The following EPS15 variants were observed in gnomAD, a reference collection of about 807,000 sequenced individuals.
EPS15 encodes the protein epidermal growth factor receptor substrate 15.
In EPS15, 72 loss-of-function variants were observed where a neutral mutation model predicts 113.8. That is an observed-to-expected ratio of 0.63 (90% CI 0.52 to 0.77). The LOEUF (loss-of-function observed/expected upper bound fraction) is 0.77, where lower values mean the gene tolerates loss of function less well. Among genes scored for constraint, EPS15 ranks in the 30% least tolerant of loss-of-function variants. The pLI is 0.00. For synonymous variants in EPS15, 344 were observed against 363.4 expected (o/e 0.95, Z 0.61); for missense variants, 1,048 against 1,045.8 (o/e 1.00, Z -0.03).
intron 1 of EPS15, among the ~76,000 whole-genome samples, chr1:51,512,319 C>T (rs964939682): frequency 6.6e-6 from 1 of 151,992 alleles, no homozygotes; most frequent in African/African-American, 2.4e-5. Flanking sequence ...AGTAATTTGC[C>T]CAAGATCACA....
intron 13 of EPS15, among the ~76,000 whole-genome samples, chr1:51,418,987 T>A (rs1261567785): frequency 6.6e-6 from 1 of 152,144 alleles, no homozygotes; most frequent in Non-Finnish European, 1.5e-5. Flanking sequence ...ATTTCTAAAA[T>A]ATCTGTTGAC....
intron 8 of EPS15, among the ~76,000 whole-genome samples, chr1:51,454,681 G>C (rs140501964): frequency 6.6e-6 from 1 of 152,276 alleles, no homozygotes; most frequent in Non-Finnish European, 1.5e-5. Context: ...TCATATACCA[G>C]AGAGACTGAA....
chr1:51,505,225 T>C (rs1000634020), intron 1 of EPS15, among the ~76,000 whole-genome samples: 1 of 152,154 alleles, frequency 6.6e-6, no homozygotes, highest in Non-Finnish European at 1.5e-5. Context: ...CAAAACCTTG[T>C]ATATGAATGC....
At chr1:51,451,583 G>A (rs1557482982) in intron 8 of EPS15, among the ~76,000 whole-genome samples, 1 of 151,422 alleles carries the variant, frequency 6.6e-6, no homozygotes, top group Non-Finnish European at 1.5e-5. Context: ...CATAGAATAG[G>A]GATAAATGGA....
At chr1:51,373,546 C>A (rs1233254711) in intron 21 of EPS15, among the ~76,000 whole-genome samples, 4 of 152,172 alleles carry the variant, frequency 2.6e-5, no homozygotes, top group Non-Finnish European at 5.9e-5. Flanking sequence ...TATTTCTGGT[C>A]TCATGGGGGC....
chr1:51,415,581 G>C lies in EPS15; in HGVS notation c.1114-5885C>G, dbSNP rs147354537. ...GGAGGCTGAGGCTGGAAGATCACCTGAGGTCAGAAGTTCGAGACCAGCCTG... is the reference window on the plus strand; with the variant it reads ...GGAGGCTGAGGCTGGAAGATCACCTCAGGTCAGAAGTTCGAGACCAGCCTG... On this transcript the variant is annotated intron_variant, in intron 13 of 24. Transcript: ENST00000371733. 8.3e-3 allele frequency among the ~76,000 whole-genome samples: 1,263 copies of C among 151,822 alleles called. 17 individuals are homozygous for C. Among genetic ancestry groups the C allele is most frequent in the African/African-American group, 0.028 (1,152 of 41,420 alleles).
At position 51,472,843 on chromosome 1, in the gene EPS15, A is replaced by G; in HGVS notation, c.165+16T>C. On this transcript the variant is annotated intron_variant, in intron 3 of 24. Coordinates refer to ENST00000371733, the MANE Select transcript of EPS15 (RefSeq NM_001981.3). ...CCTTACAAACTTATAATCTAGTTAT[A>G]ATGAACGAATACTACCTTTCCAAGT... The G allele has an allele frequency of 6.3e-7, 1 of 1,578,384 alleles. No homozygotes were observed. Among genetic ancestry groups the G allele is most frequent in the Non-Finnish European group, 8.7e-7 (1 of 1,147,782 alleles).
At chr1:51,463,613 C>T (rs2148502581) in intron 7 of EPS15, 60 bp downstream of exon 7, 1 of 941,918 alleles carries the variant, frequency 1.1e-6, no homozygotes, top group Non-Finnish European at 1.6e-6. Context: ...ATGCTCCTGG[C>T]ATAATAGATA....
At chr1:51,437,972 A>G (rs1265564207) in intron 12 of EPS15, among the ~76,000 whole-genome samples, 3 of 152,194 alleles carry the variant, frequency 2.0e-5, no homozygotes, top group East Asian at 3.8e-4. Context: ...TTTGCATGGA[A>G]AAAACGGTTA....
chr1:51,464,239 A>AC (rs1486328778), intron 6 of EPS15, among the ~76,000 whole-genome samples: 8 of 69,920 alleles, frequency 1.1e-4, no homozygotes, highest in Admixed American at 4.5e-4. Context: ...TCAAATAAAT[A>AC]AAATTTTTTT....
intron 21 of EPS15, among the ~76,000 whole-genome samples, chr1:51,370,919 T>C (rs1162993216): frequency 6.7e-6 from 1 of 148,800 alleles, no homozygotes; most frequent in African/African-American, 2.5e-5. Context: ...ATGCCCACCC[T>C]ATTTTGGTTT....
chr1:51,447,537 T>G (rs1653165542), intron 9 of EPS15, among the ~76,000 whole-genome samples: 1 of 151,724 alleles, frequency 6.6e-6, no homozygotes, highest in Non-Finnish European at 1.5e-5. Context: ...TTACTCAATC[T>G]GACAAGAGGC....
At chr1:51,407,312 C>A (rs576198716) in intron 15 of EPS15, among the ~76,000 whole-genome samples, 1 of 152,096 alleles carries the variant, frequency 6.6e-6, no homozygotes, top group African/African-American at 2.4e-5. Context: ...ATTCTCGTGC[C>A]TCAGCCTCCC....
intron 5 of EPS15, among the ~76,000 whole-genome samples, chr1:51,467,272 A>G (rs1654910841): frequency 6.6e-6 from 1 of 152,272 alleles, no homozygotes; most frequent in Non-Finnish European, 1.5e-5. Context: ...TTGACAAAAT[A>G]CATAGAAATT....
chr1:51,428,623 T>A (rs554822782), intron 12 of EPS15, among the ~76,000 whole-genome samples: 1 of 152,036 alleles, frequency 6.6e-6, no homozygotes, highest in African/African-American at 2.4e-5. Flanking sequence ...GGTCAGGAGT[T>A]CGAGACCAGC....
intron 14 of EPS15, among the ~76,000 whole-genome samples, chr1:51,408,797 ATTTTTTTTT>A (rs34612487): frequency 9.1e-6 from 1 of 109,598 alleles, no homozygotes. Flanking sequence ...CTGGCTTTCA[ATTTTTTTTT>A]TTTTTTTTTT....
At position 51,391,668 on chromosome 1, in the gene EPS15, T is replaced by G. The variant is rs563014568; in HGVS notation, c.2119+2713A>C. ...GAGTAATGGGAATAATGATGAGATA[T>G]TGTTAGAAAAGTGCAGGCCACTGTA... On this transcript the variant is annotated intron_variant, in intron 21 of 24. Coordinates refer to ENST00000371733, the MANE Select transcript of EPS15 (RefSeq NM_001981.3). Among the ~76,000 whole-genome samples the G allele has an allele frequency of 1.3e-3, 202 of 152,058 alleles. 1 individual carries two copies. Among genetic ancestry groups the G allele is most frequent in the Non-Finnish European group, 2.4e-3 (160 of 67,980 alleles).
At chr1:51,442,700 A>G (rs1557473788) in intron 11 of EPS15, among the ~76,000 whole-genome samples, 1 of 152,168 alleles carries the variant, frequency 6.6e-6, no homozygotes, top group Non-Finnish European at 1.5e-5. Context: ...ACATGTGACA[A>G]AAGCATGCTG....
intron 1 of EPS15, among the ~76,000 whole-genome samples, chr1:51,508,242 G>GAAAAGAA (rs58012399): frequency 3.6e-4 from 12 of 32,894 alleles, no homozygotes; most frequent in South Asian, 1.2e-3. Flanking sequence ...AGAAAAGAAA[G>GAAAAGAA]AGAGAAAGAG....
Sources: gnomAD v4.1 joint callset for allele counts (sites outside exome capture counted in the v4.1 genomes callset) on GRCh38, gnomAD v4.1.1 for gene constraint, MANE v1.5 for transcripts, NCBI Gene and HGNC (gene_info 2026-07-23, HGNC 2026-07-21) for gene names.